Variants in CPVL observed in about 807,000 individuals in gnomAD.
CPVL encodes carboxypeptidase vitellogenic like.
Under a neutral mutation model 63.7 loss-of-function variants are expected in CPVL, and 51 were observed. That is an observed-to-expected ratio of 0.80 (90% CI 0.64 to 1.01). CPVL has a LOEUF of 1.01. Ranked by LOEUF, CPVL falls within the 50% of genes least tolerant of loss-of-function variation. The probability of loss-of-function intolerance (pLI) is 0.00; values close to 1 mark genes in which losing one functional copy is unlikely to be tolerated. For missense variants in CPVL, 530 were observed against 573.1 expected, an observed-to-expected ratio of 0.92 and a Z score of 0.77; for synonymous variants, 195 against 206.0, an observed-to-expected ratio of 0.95 and a Z score of 0.46.
chr7:29,066,782 C>T (rs1009733435), intron 9 of CPVL, among the ~76,000 whole-genome samples: 5 of 152,210 alleles, frequency 3.3e-5, no homozygotes, highest in African/African-American at 1.2e-4. Context: ...AACCCAGTCA[C>T]CAGCTGAGCG....
intron 1 of CPVL, 75 bp from the exon 2 acceptor site, chr7:29,121,146 T>C: frequency 1.5e-6 from 2 of 1,351,574 alleles, no homozygotes; most frequent in East Asian, 2.6e-5. Context: ...TGCAAGAAAT[T>C]CATTTATTCA....
chr7:29,146,725 C>T, upstream of CPVL: 1 of 1,550,556 alleles, frequency 6.4e-7, no homozygotes, highest in South Asian at 1.2e-5. Flanking sequence ...TAATGAAGAG[C>T]ATCGGCGGGG....
At chr7:29,148,668 GTACCCTGTATTCGGA>G (rs1793117297), upstream of CPVL, 1 of 152,168 alleles carries the variant, frequency 6.6e-6, no homozygotes, top group African/African-American at 2.4e-5. Context: ...CCTTTTTGGG[GTACCCTGTATTCGGA>G]TTTGTCGTGT....
chr7:29,192,838 G>A (rs1204125954), intron 1 of CPVL: 1 of 152,206 alleles, frequency 6.6e-6, no homozygotes, highest in Non-Finnish European at 1.5e-5. Context: ...ATTCTACCGG[G>A]CGACATAGCC....
At chr7:29,135,013 G>A (rs1791049937) in intron 1 of CPVL, among the ~76,000 whole-genome samples, 1 of 151,596 alleles carries the variant, frequency 6.6e-6, no homozygotes, top group Non-Finnish European at 1.5e-5. Flanking sequence ...TGAAGTGGGA[G>A]GATCACTTGG....
chr7:29,095,192 A>C, intron 4 of CPVL, 50 bp from the exon 5 acceptor site: 1 of 1,521,732 alleles, frequency 6.6e-7, no homozygotes, highest in Non-Finnish European at 9.1e-7. Flanking sequence ...CAAGCATTCC[A>C]CCGAGGCCTC....
Position 29,121,070 on chromosome 7 carries a change from G to A in CPVL, c.-9C>T, listed in dbSNP as rs1386423669. ...CACATGGCACCAACCATCTCTCAGGGTCTAGGATAAAAACAGCATTCCAAA... is the reference window on the plus strand; with the variant it reads ...CACATGGCACCAACCATCTCTCAGGATCTAGGATAAAAACAGCATTCCAAA... On this transcript the variant is annotated splice_region_variant and 5_prime_UTR_variant, in exon 2 of 13. Transcript: ENST00000265394. 2 of 1,575,890 alleles carry A rather than the reference G, an allele frequency of 1.3e-6. No homozygotes were observed. Among genetic ancestry groups the A allele is most frequent in the Non-Finnish European group, 1.7e-6 (2 of 1,165,404 alleles).
intron 5 of CPVL, among the ~76,000 whole-genome samples, chr7:29,177,702 T>TCATC (rs993855741): frequency 2.0e-5 from 3 of 151,910 alleles, no homozygotes; most frequent in South Asian, 2.1e-4. Flanking sequence ...ATCTGTGCAG[T>TCATC]CATCCATCCA....
intron 11 of CPVL, among the ~76,000 whole-genome samples, chr7:29,036,959 C>A (rs755394563): frequency 1.3e-5 from 2 of 152,134 alleles, no homozygotes; most frequent in South Asian, 2.1e-4. Context: ...AAGTTCAGAT[C>A]GACCTGAGCC....
chr7:29,107,330 G>A (rs894055061), intron 3 of CPVL, among the ~76,000 whole-genome samples: 3 of 152,206 alleles, frequency 2.0e-5, no homozygotes, highest in African/African-American at 4.8e-5. Context: ...CTACCACACA[G>A]GCCACACGTT....
At chr7:29,104,747 CCTGCCAGAAAGTTATA>C (rs1182928293) in intron 3 of CPVL, among the ~76,000 whole-genome samples, 3 of 152,148 alleles carry the variant, frequency 2.0e-5, no homozygotes, top group Non-Finnish European at 4.4e-5. Context: ...CTTTGTGCCT[CCTGCCAGAAAGTTATA>C]CTTTATAAGG....
chr7:29,190,381 C>G (rs928421396), intron 1 of CPVL, among the ~76,000 whole-genome samples: 2 of 152,156 alleles, frequency 1.3e-5, no homozygotes, highest in African/African-American at 4.8e-5. Flanking sequence ...CTGTGTTTAG[C>G]ACAGGGAAAG....
At chr7:29,055,968 A>G (rs1444558912) in intron 11 of CPVL, among the ~76,000 whole-genome samples, 2 of 152,170 alleles carry the variant, frequency 1.3e-5, no homozygotes, top group East Asian at 3.8e-4. Context: ...ATATACTAGC[A>G]TCTATCCCCT....
chr7:29,082,273 C>T (rs1784801969), intron 7 of CPVL: 1 of 152,074 alleles, frequency 6.6e-6, no homozygotes, highest in African/African-American at 2.4e-5. Flanking sequence ...TCTAGTAAAG[C>T]AAAATATCCC....
intron 12 of CPVL, among the ~76,000 whole-genome samples, chr7:29,005,501 C>T (rs1005193304): frequency 1.3e-5 from 2 of 152,140 alleles, no homozygotes; most frequent in African/African-American, 4.8e-5. Flanking sequence ...AATGAAGCAG[C>T]TTGAATGTGA....
chr7:29,084,204 G>A (rs2128594030), intron 7 of CPVL, among the ~76,000 whole-genome samples: 1 of 152,262 alleles, frequency 6.6e-6, no homozygotes, highest in South Asian at 2.1e-4. Context: ...TCTGCCACAG[G>A]CAGCCGGGCC....
chr7:29,155,280 C>A (rs1431101426), intron 5 of CPVL, among the ~76,000 whole-genome samples: 1 of 152,074 alleles, frequency 6.6e-6, no homozygotes, highest in Non-Finnish European at 1.5e-5. Context: ...TACATTTTAA[C>A]AACATAAGTT....
chr7:29,120,890 T>C lies in CPVL; in HGVS notation c.169+3A>G. ...GTTTTCTGATTTAATTAAACTTACT[T>C]ACCTTTTTGGATCTTCCCAGCTTCA... On this transcript the variant is annotated splice_donor_region_variant and intron_variant, in intron 2 of 12. Transcript: ENST00000265394. The C allele has an allele frequency of 6.2e-7, 1 of 1,611,036 alleles. No homozygotes were observed. Among genetic ancestry groups the C allele is most frequent in the East Asian group, 2.2e-5 (1 of 44,848 alleles).
At position 29,030,735 on chromosome 7, in the gene CPVL, C is replaced by T. The variant is rs758236007; in HGVS notation, c.1162G>A (p.Asp388Asn). 2.5e-6 allele frequency: 4 copies of T among 1,611,108 alleles called. No individual in the cohort carries two copies. The highest frequency in any genetic ancestry group is 3.4e-6 in the Non-Finnish European group (4 of 1,178,968). The change falls in exon 12 of 13, where the codon GAC (aspartate) becomes AAC (asparagine). Residue 388 changes from aspartate (D) to asparagine (N), a missense_variant. Physicochemically the swap from Asp to Asn is conservative, Grantham distance 23. Transcript: ENST00000265394. The part of the protein sequence containing the change: ...YKVLIYNGQL[D>N]IIVAAALTER... ...GTCAGGGCAGCTGCCACGATGATGT[C>T]CAGTTGGCCATTGTAGATCAGAACC...
Sources: gnomAD v4.1 joint callset for allele counts (sites outside exome capture counted in the v4.1 genomes callset) on GRCh38, gnomAD v4.1.1 for gene constraint, MANE v1.5 for transcripts, NCBI Gene and HGNC (gene_info 2026-07-23, HGNC 2026-07-21) for gene names.